Variants in EYS observed in about 807,000 individuals in gnomAD.
EYS encodes protein eyes shut homolog.
In EYS, 250 loss-of-function variants were observed where a neutral mutation model predicts 282.1. That is an observed-to-expected ratio of 0.89 (90% CI 0.80 to 0.98). EYS has a LOEUF of 0.98. Ranked by LOEUF, EYS falls within the 50% of genes least tolerant of loss-of-function variation. The pLI is 0.00. For missense variants in EYS, 4,016 were observed against 3,709.0 expected (o/e 1.08, Z -2.15); for synonymous variants, 1,355 against 1,282.9 (o/e 1.06, Z -1.20).
At chr6:64,580,077 C>T (rs1766011800) in intron 26 of EYS, among the ~76,000 whole-genome samples, 1 of 152,036 alleles carries the variant, frequency 6.6e-6, no homozygotes, top group South Asian at 2.1e-4. Flanking sequence ...ATTTTTATAG[C>T]TTATGTTGCT....
chr6:65,069,593 T>C (rs1054815899), intron 12 of EYS, among the ~76,000 whole-genome samples: 6 of 152,006 alleles, frequency 3.9e-5, no homozygotes, highest in Admixed American at 6.6e-5. Context: ...TGTGTGTCTC[T>C]CGATGTAGCT....
chr6:64,851,995 A>G (rs1765900724), intron 19 of EYS, among the ~76,000 whole-genome samples: 1 of 152,094 alleles, frequency 6.6e-6, no homozygotes, highest in African/African-American at 2.4e-5. Flanking sequence ...AAAAGATTTG[A>G]GGATTGTTGG....
At chr6:64,596,551 G>C (rs1200923559) in intron 24 of EYS, among the ~76,000 whole-genome samples, 3 of 152,096 alleles carry the variant, frequency 2.0e-5, no homozygotes, top group African/African-American at 7.2e-5. Flanking sequence ...AGAAGAAAGA[G>C]ATAGATTCAC....
At chr6:64,049,210 C>T (rs1327873950) in intron 33 of EYS, among the ~76,000 whole-genome samples, 2 of 152,166 alleles carry the variant, frequency 1.3e-5, no homozygotes, top group African/African-American at 4.8e-5. Context: ...AGGGATTTCA[C>T]AGTGTAAACA....
intron 14 of EYS, among the ~76,000 whole-genome samples, chr6:64,947,798 A>AAT (rs1238699558): frequency 4.6e-5 from 7 of 151,738 alleles, no homozygotes; most frequent in Non-Finnish European, 8.8e-5. Context: ...AATGGGAGAA[A>AAT]ATCATCCCAC....
chr6:64,241,058 A>C (rs1032658405), intron 30 of EYS, among the ~76,000 whole-genome samples: 1 of 151,956 alleles, frequency 6.6e-6, no homozygotes, highest in Admixed American at 6.6e-5. Flanking sequence ...AGGTTTATTG[A>C]TTTGTGTATT....
At chr6:63,814,545 CAG>C (rs1338188362) in intron 36 of EYS, among the ~76,000 whole-genome samples, 15 of 152,228 alleles carry the variant, frequency 9.9e-5, no homozygotes, top group Admixed American at 2.6e-4. Context: ...TAAGAACAAA[CAG>C]AGTTTTACAT....
At chr6:64,118,251 C>T (rs191029687) in intron 31 of EYS, among the ~76,000 whole-genome samples, 2 of 152,170 alleles carry the variant, frequency 1.3e-5, no homozygotes, top group African/African-American at 4.8e-5. Context: ...GTGCATAAAA[C>T]AAAGCTGGAG....
intron 22 of EYS, among the ~76,000 whole-genome samples, chr6:64,724,711 C>A (rs1771693314): frequency 6.6e-6 from 1 of 152,126 alleles, no homozygotes; most frequent in South Asian, 2.1e-4. Context: ...TTATTATATA[C>A]ATCATCTGAT....
At chr6:64,994,291 C>A (rs958055863) in intron 14 of EYS, among the ~76,000 whole-genome samples, 1 of 152,054 alleles carries the variant, frequency 6.6e-6, no homozygotes. Context: ...CAAATCACTT[C>A]CTACTGTGGA....
Position 63,721,183 on chromosome 6 carries a change from T to A in EYS, c.8848A>T (p.Asn2950Tyr), listed in dbSNP as rs1426185822. 6.4e-7 allele frequency: 1 copy of A among 1,551,624 alleles called. No individual in the cohort carries two copies. The highest frequency in any genetic ancestry group is 1.2e-5 in the South Asian group (1 of 84,064). ...TTTGCAGTTGAAAATGAAGTTTTGT[T>A]TTCACAATACCTTCCCACCCAACCC... ...TLGWVGRYCE[N>Y]KTSFSTAKFM... Residue 2950 changes from asparagine (N) to tyrosine (Y), a missense_variant, in exon 43 of 43, where the codon AAC becomes TAC. Transcript: ENST00000503581.
At chr6:64,520,404 A>C (rs935495232) in intron 26 of EYS, among the ~76,000 whole-genome samples, 1 of 151,806 alleles carries the variant, frequency 6.6e-6, no homozygotes, top group Non-Finnish European at 1.5e-5. Context: ...GCCAGAGATC[A>C]GGTAACACTA....
At chr6:63,732,311 G>T (rs1375999747) in intron 41 of EYS, among the ~76,000 whole-genome samples, 2 of 151,828 alleles carry the variant, frequency 1.3e-5, no homozygotes, top group Admixed American at 6.6e-5. Flanking sequence ...TAACAAGAAA[G>T]GCTTCAGCTC....
chr6:65,095,258 T>G (rs773116020), intron 12 of EYS, among the ~76,000 whole-genome samples: 6 of 151,166 alleles, frequency 4.0e-5, no homozygotes, highest in African/African-American at 1.5e-4. Context: ...GAGGCCGTAG[T>G]ATTGGGGGAC....
chr6:65,163,884 G>A (rs1764908208), intron 12 of EYS, among the ~76,000 whole-genome samples: 1 of 151,322 alleles, frequency 6.6e-6, no homozygotes, highest in African/African-American at 2.4e-5. Context: ...TTGAATAGTT[G>A]TGGTAGATAC....
At chr6:63,832,997 C>T (rs546819961) in intron 36 of EYS, among the ~76,000 whole-genome samples, 1 of 152,144 alleles carries the variant, frequency 6.6e-6, no homozygotes, top group Non-Finnish European at 1.5e-5. Flanking sequence ...GCAGAAAAGG[C>T]CTTTGACAAA....
At chr6:65,269,553 A>G (rs1767843332) in intron 12 of EYS, among the ~76,000 whole-genome samples, 1 of 152,152 alleles carries the variant, frequency 6.6e-6, no homozygotes, top group African/African-American at 2.4e-5. Flanking sequence ...CTGTAAAGCT[A>G]CAGAATCTGA....
At chr6:65,037,902 C>T (rs982631811) in intron 13 of EYS, among the ~76,000 whole-genome samples, 7 of 151,520 alleles carry the variant, frequency 4.6e-5, no homozygotes, top group Non-Finnish European at 8.9e-5. Flanking sequence ...TGAGTTTATA[C>T]TCATATCTCC....
At chr6:64,086,179 T>G (rs1161702393) in intron 31 of EYS, among the ~76,000 whole-genome samples, 1 of 152,228 alleles carries the variant, frequency 6.6e-6, no homozygotes, top group African/African-American at 2.4e-5. Flanking sequence ...GTTCCAAGCT[T>G]AGAAACTCAG....
Sources: gnomAD v4.1 joint callset for allele counts (sites outside exome capture counted in the v4.1 genomes callset) on GRCh38, gnomAD v4.1.1 for gene constraint, MANE v1.5 for transcripts, NCBI Gene and HGNC (gene_info 2026-07-23, HGNC 2026-07-21) for gene names.